Variants in BMF observed in about 807,000 individuals in gnomAD.
BMF encodes Bcl2 modifying factor.
A neutral mutation model predicts 22.0 loss-of-function variants in BMF; 10 were observed. The ratio of observed to expected loss-of-function variants is 0.45; its 90% CI spans 0.28 to 0.77. The LOEUF (loss-of-function observed/expected upper bound fraction) is 0.77, where lower values mean the gene tolerates loss of function less well. Among genes scored for constraint, BMF ranks in the 30% least tolerant of loss-of-function variants. The probability of loss-of-function intolerance (pLI) is 0.13; values close to 1 mark genes in which losing one functional copy is unlikely to be tolerated. For missense variants in BMF, 206 were observed against 226.8 expected, an observed-to-expected ratio of 0.91 and a Z score of 0.59; for synonymous variants, 87 against 88.1, an observed-to-expected ratio of 0.99 and a Z score of 0.07.
At chr15:40,098,637 T>C (rs1190079163) in intron 4 of BMF, among the ~76,000 whole-genome samples, 8 of 152,136 alleles carry the variant, frequency 5.3e-5, no homozygotes, top group African/African-American at 9.7e-5. Context: ...CACGGACTGA[T>C]TGTGTGCTCT....
At chr15:40,093,063 G>C (rs1427924031) in intron 4 of BMF, among the ~76,000 whole-genome samples, 7 of 152,236 alleles carry the variant, frequency 4.6e-5, no homozygotes. Flanking sequence ...CAGATGGGAA[G>C]AGGAGAGAGG....
rs1302502467 is a variant in BMF at position 40,090,133 on chromosome 15, C to A, written c.*1654G>T. ...GTAGCCCCACACCAGGGCACGCACA[C>A]AGCTTAGTGAGCAGAACACAAGCTG... On this transcript the variant is annotated 3_prime_UTR_variant, in exon 5 of 5. Coordinates refer to ENST00000354670, the MANE Select transcript of BMF (RefSeq NM_001003940.2). 2 of 152,472 alleles carry A rather than the reference C, an allele frequency of 1.3e-5. No individual in the cohort carries two copies. Among genetic ancestry groups the A allele is most frequent in the Non-Finnish European group, 2.9e-5 (2 of 68,052 alleles). The allele number at this position is 152,472 out of a possible 1,614,324, so 9.4% of individuals were successfully genotyped here. A position where few individuals can be genotyped will look rare whatever the true frequency, so the allele number is the denominator to read the frequency against.
chr15:40,091,733 C>A lies in BMF; in HGVS notation c.*54G>T, dbSNP rs1455746615. The A allele has an allele frequency of 1.1e-5, 14 of 1,313,076 alleles. No homozygotes were observed. In the East Asian group the frequency reaches 2.9e-4, roughly 27 times the overall value. The allele number at this position is 1,313,076 out of a possible 1,614,324, so 81.3% of individuals were successfully genotyped here. A position where few individuals can be genotyped will look rare whatever the true frequency, so the allele number is the denominator to read the frequency against. On this transcript the variant is annotated 3_prime_UTR_variant, in exon 5 of 5. Coordinates refer to ENST00000354670, the MANE Select transcript of BMF (RefSeq NM_001003940.2). Reference sequence around the variant, plus strand: ...CACAGTGTCAGTCCTGCCCGATGTCCTTCCTGTTCCAGACGGTGTTCCTGG... The same window carrying A: ...CACAGTGTCAGTCCTGCCCGATGTCATTCCTGTTCCAGACGGTGTTCCTGG...
At chr15:40,105,578 A>G (rs1395921722) in intron 3 of BMF, among the ~76,000 whole-genome samples, 2 of 152,220 alleles carry the variant, frequency 1.3e-5, no homozygotes, top group African/African-American at 4.8e-5. Flanking sequence ...CATGGACCCA[A>G]GGATCCCTCC....
At position 40,090,661 on chromosome 15, in the gene BMF, C is replaced by T. The variant is rs1016243711; in HGVS notation, c.*1126G>A. 2.0e-5 allele frequency: 3 copies of T among 152,278 alleles called. No homozygotes were observed. Among genetic ancestry groups the T allele is most frequent in the Admixed American group, 6.5e-5 (1 of 15,284 alleles). 9.4% of individuals were successfully genotyped at this position (152,278 alleles called of 1,614,324 possible). On this transcript the variant is annotated 3_prime_UTR_variant, in exon 5 of 5. Transcript: ENST00000354670. ...AGCTTTGACGGTTCCCCACTCTAAT[C>T]GTTATCTGTTACTCTAAAAGTCACT...
In BMF at chr15:40,090,449, C is replaced by T. The variant is rs1407165445; in HGVS notation, c.*1338G>A. 3 of 152,666 alleles carry T rather than the reference C, an allele frequency of 2.0e-5. No homozygotes were observed. Among genetic ancestry groups the T allele is most frequent in the South Asian group, 2.1e-4 (1 of 4,830 alleles). The allele number at this position is 152,666 out of a possible 1,614,324, so 9.5% of individuals were successfully genotyped here. A position where few individuals can be genotyped will look rare whatever the true frequency, so the allele number is the denominator to read the frequency against. On this transcript the variant is annotated 3_prime_UTR_variant, in exon 5 of 5. Coordinates refer to ENST00000354670, the MANE Select transcript of BMF (RefSeq NM_001003940.2). ...GCAAAAGTTATAATTTAGTTTCTAG[C>T]GTCTGGTTAACAGATTCCCTGTGCC...
In BMF at chr15:40,091,694, ACAATTT is replaced by A. The variant is rs1352817336; in HGVS notation, c.*87_*92del. 3.2e-6 allele frequency: 3 copies of A among 938,376 alleles called. No individual in the cohort carries two copies. Among genetic ancestry groups the A allele is most frequent in the Non-Finnish European group, 4.8e-6 (3 of 620,468 alleles). 58.1% of individuals were successfully genotyped at this position (938,376 alleles called of 1,614,324 possible). A position where few individuals can be genotyped will look rare whatever the true frequency, so the allele number is the denominator to read the frequency against. ...TAAAACACAAAATAACAACAAAAAAACAATTTCACAAGACACAGTGTCAGTCCTGCC... is the reference window on the plus strand; with the variant it reads ...TAAAACACAAAATAACAACAAAAAAACACAAGACACAGTGTCAGTCCTGCC... On this transcript the variant is annotated 3_prime_UTR_variant, in exon 5 of 5. Transcript: ENST00000354670.
chr15:40,093,567 C>G (rs2036292720), intron 4 of BMF, among the ~76,000 whole-genome samples: 1 of 152,150 alleles, frequency 6.6e-6, no homozygotes, highest in Non-Finnish European at 1.5e-5. Flanking sequence ...GCAGCTGGGC[C>G]AAAGACCCCC....
intron 2 of BMF, among the ~76,000 whole-genome samples, chr15:40,107,523 G>A (rs1241455696): frequency 6.9e-6 from 1 of 145,670 alleles, no homozygotes; most frequent in African/African-American, 2.6e-5. Flanking sequence ...TCTTTGGACC[G>A]TGTTTCCCAA....
chr15:40,105,419 C>T (rs2036566032), intron 3 of BMF, among the ~76,000 whole-genome samples: 1 of 152,194 alleles, frequency 6.6e-6, no homozygotes, highest in Non-Finnish European at 1.5e-5. Context: ...CTCCCAGAAC[C>T]GGCTGGGTTT....
At chr15:40,101,824 G>A (rs1350866187) in intron 4 of BMF, among the ~76,000 whole-genome samples, 2 of 152,150 alleles carry the variant, frequency 1.3e-5, no homozygotes, top group Non-Finnish European at 2.9e-5. Context: ...TGTTTAAGGA[G>A]AAGACAAAAC....
In BMF at chr15:40,105,798, A is replaced by G; in HGVS notation, c.289T>C (p.Tyr97His). 6.2e-7 allele frequency: 1 copy of G among 1,605,052 alleles called. No homozygotes were observed. The highest frequency in any genetic ancestry group is 8.5e-7 in the Non-Finnish European group (1 of 1,175,112). ...TCTTGAGGCTGAGAGCACTCACCAT[A>G]AAAGAGTCGCTGGGGTTCCTCAGTC... The part of the protein sequence containing the change: ...GVTEEPQRLF[Y>H]GNAGYRLPLP... Residue 97 changes from tyrosine (Y) to histidine (H), a missense_variant, in exon 3 of 5, where the codon TAT (tyrosine) becomes CAT (histidine). Transcript: ENST00000354670.
In BMF at chr15:40,089,025, G is replaced by A. The variant is rs1443556940; in HGVS notation, c.*2762C>T. The stretch of plus-strand genomic sequence containing the variant: ...TTCCTCCCAGGCATTTCTTTCCCGA[G>A]GAGGAAGGTTTCCAGTCCCTCTCCC... On this transcript the variant is annotated 3_prime_UTR_variant, in exon 5 of 5. Coordinates refer to ENST00000354670, the MANE Select transcript of BMF (RefSeq NM_001003940.2). 1 of 152,626 alleles carries A rather than the reference G, an allele frequency of 6.6e-6. No individual in the cohort carries two copies. The allele number at this position is 152,626 out of a possible 1,614,324, so 9.5% of individuals were successfully genotyped here.
intron 4 of BMF, among the ~76,000 whole-genome samples, chr15:40,099,832 G>T (rs1225116522): frequency 6.9e-6 from 1 of 145,250 alleles, no homozygotes; most frequent in Non-Finnish European, 1.5e-5. Context: ...ATTTGCCCAC[G>T]AACACATAAC....
At chr15:40,099,401 G>C (rs967041846) in intron 4 of BMF, among the ~76,000 whole-genome samples, 5 of 152,174 alleles carry the variant, frequency 3.3e-5, no homozygotes, top group African/African-American at 9.7e-5. Flanking sequence ...ATTTCTAAAA[G>C]TACTCAACTG....
At position 40,106,517 on chromosome 15, in the gene BMF, A is replaced by AACACACAC. The variant is rs71658279; in HGVS notation, c.-5-434_-5-427dup. 0.03 allele frequency: 4,082 copies of AACACACAC among 135,980 alleles called. 109 individuals are homozygous for AACACACAC. Among genetic ancestry groups the AACACACAC allele is most frequent in the African/African-American group, 0.058 (2,129 of 36,866 alleles). The allele number at this position is 135,980 out of a possible 1,614,324, so 8.4% of individuals were successfully genotyped here. ...GACTGGCTATACATACAGTGCTCAC[A>AACACACAC]ACACACACACACACACACACACACA... On this transcript the variant is annotated intron_variant, in intron 2 of 4. Coordinates refer to ENST00000354670, the MANE Select transcript of BMF (RefSeq NM_001003940.2). The surrounding 1 kb of genome is among the most constrained non-coding windows in gnomAD (Gnocchi z 4.1).
intron 4 of BMF, among the ~76,000 whole-genome samples, chr15:40,102,297 T>C (rs527976244): frequency 2.0e-5 from 3 of 151,498 alleles, no homozygotes; most frequent in East Asian, 1.9e-4. Context: ...GGTGTGGTGG[T>C]GCGTGCCTAT....
At position 40,092,489 on chromosome 15, in the gene BMF, G is replaced by A. The variant is rs527424175; in HGVS notation, c.454-601C>T. On this transcript the variant is annotated intron_variant, in intron 4 of 4. Coordinates refer to ENST00000354670, the MANE Select transcript of BMF (RefSeq NM_001003940.2). ...CACACACACACACCCTTGTGCGCCC[G>A]CCCGCTCTCCCTCCCCAGCATCTCC... Among the ~76,000 whole-genome samples the A allele has an allele frequency of 8.1e-4, 123 of 151,768 alleles. 2 individuals are homozygous for A. In the South Asian group the frequency reaches 0.018, roughly 23 times the overall value.
intron 4 of BMF, among the ~76,000 whole-genome samples, chr15:40,093,277 C>T (rs559168720): frequency 2.1e-5 from 3 of 144,144 alleles, no homozygotes; most frequent in Admixed American, 1.4e-4. Context: ...ACACGGAATG[C>T]CCCCGTCCAT....
Sources: allele counts gnomAD v4.1 joint callset (sites outside exome capture counted in the v4.1 genomes callset), GRCh38; gene constraint gnomAD v4.1.1; non-coding constraint Gnocchi (gnomAD v3.1); transcripts MANE v1.5; gene names NCBI Gene and HGNC (gene_info 2026-07-23, HGNC 2026-07-21).